AFF2: variants seen among roughly 807,000 people sequenced by gnomAD.
AFF2 encodes the protein ALF transcription elongation factor 2.
Under a neutral mutation model 76.9 loss-of-function variants are expected in AFF2, and 14 were observed. The observed-to-expected ratio is 0.18, with a 90% CI of 0.12 to 0.28. The LOEUF (loss-of-function observed/expected upper bound fraction) is 0.28, where lower values mean the gene tolerates loss of function less well. Among genes scored for constraint, AFF2 ranks in the 10% least tolerant of loss-of-function variants. The probability of loss-of-function intolerance (pLI) is 1.00; values close to 1 mark genes in which losing one functional copy is unlikely to be tolerated. For synonymous variants in AFF2, 398 were observed against 366.7 expected (o/e 1.09, Z -0.98); for missense variants, 868 against 1,001.1 (o/e 0.87, Z 1.79).
intron 8 of AFF2, among the ~76,000 whole-genome samples, chrX:148,888,410 C>G (rs1170597230): frequency 1.8e-5 from 2 of 112,088 alleles, no homozygotes; most frequent in Non-Finnish European, 3.8e-5. Context: ...TCTTTATCTA[C>G]TCATCATTTG....
At chrX:148,782,368 A>G (rs1192933254) in intron 3 of AFF2, among the ~76,000 whole-genome samples, 2 of 111,537 alleles carry the variant, frequency 1.8e-5, no homozygotes, top group African/African-American at 3.3e-5. Context: ...AACTACCCCT[A>G]TCTCTGCTCT....
intron 3 of AFF2, among the ~76,000 whole-genome samples, chrX:148,789,050 T>C (rs959916939): frequency 8.9e-6 from 1 of 112,401 alleles, no homozygotes; most frequent in Admixed American, 9.4e-5. Flanking sequence ...TTAACTGTGA[T>C]AGTGTATTTC....
chrX:148,718,755 G>A (rs1036106169), intron 3 of AFF2, among the ~76,000 whole-genome samples: 1 of 110,913 alleles, frequency 9.0e-6, no homozygotes, highest in South Asian at 3.8e-4. Context: ...CTTGAGAAAA[G>A]GGAAACCTGT....
intron 7 of AFF2, among the ~76,000 whole-genome samples, chrX:148,860,833 G>C (rs1430849571): frequency 2.7e-5 from 3 of 111,514 alleles, no homozygotes; most frequent in African/African-American, 9.8e-5. Flanking sequence ...TATCTAAGCA[G>C]TTAAGGCTTC....
At chrX:148,577,637 C>T (rs2053305573) in intron 1 of AFF2, among the ~76,000 whole-genome samples, 1 of 112,077 alleles carries the variant, frequency 8.9e-6, no homozygotes. Context: ...GTCTTTCTTA[C>T]AGAAATGTGC....
chrX:148,568,374 A>G (rs1015117685), intron 1 of AFF2, among the ~76,000 whole-genome samples: 3 of 112,211 alleles, frequency 2.7e-5, no homozygotes. Flanking sequence ...AATTAAATGT[A>G]TCTTTTAAAG....
intron 3 of AFF2, among the ~76,000 whole-genome samples, chrX:148,734,321 G>A (rs1318313594): frequency 3.6e-5 from 4 of 111,944 alleles, no homozygotes; most frequent in African/African-American, 6.5e-5. Flanking sequence ...CATATATTAT[G>A]TGCTTGGCAC....
intron 3 of AFF2, among the ~76,000 whole-genome samples, chrX:148,695,215 T>C (rs2054705188): frequency 1.8e-5 from 2 of 111,813 alleles, no homozygotes; most frequent in Non-Finnish European, 3.8e-5. Flanking sequence ...CCAATAATCT[T>C]TTGAGAGCCT....
intron 7 of AFF2, among the ~76,000 whole-genome samples, chrX:148,863,601 A>C (rs1208866734): frequency 1.8e-5 from 2 of 111,937 alleles, no homozygotes; most frequent in African/African-American, 6.5e-5. Context: ...AATACTAGTA[A>C]ACTTCTGGTG....
chrX:148,962,954 A>G lies in AFF2; in HGVS notation c.2913+17A>G, dbSNP rs1307179026. 9.3e-7 allele frequency: 1 copy of G among 1,073,338 alleles called. No individual in the cohort carries two copies. The highest frequency in any genetic ancestry group is 1.3e-6 in the Non-Finnish European group (1 of 772,073). 88.5% of individuals were successfully genotyped at this position (1,073,338 alleles called of 1,213,427 possible). On this transcript the variant is annotated intron_variant, in intron 13 of 20. Coordinates refer to ENST00000370460, the MANE Select transcript of AFF2 (RefSeq NM_002025.4). ...TCGGTAAATGTAAGCATCTTGGAAG[A>G]AATATTATTATTGTCAGGTAGAAAC... is the stretch of plus-strand genomic sequence containing the variant.
intron 8 of AFF2, among the ~76,000 whole-genome samples, chrX:148,887,944 A>G (rs191540653): frequency 8.6e-4 from 97 of 112,833 alleles, no homozygotes; most frequent in Non-Finnish European, 1.5e-3. Flanking sequence ...GGCAGCAGTA[A>G]TACTAGCAAT....
chrX:148,769,094 A>G (rs1381109915), intron 3 of AFF2, among the ~76,000 whole-genome samples: 2 of 112,202 alleles, frequency 1.8e-5, no homozygotes, highest in Non-Finnish European at 3.8e-5. Context: ...GAGCCTTGAA[A>G]CTGTGCAACC....
intron 1 of AFF2, among the ~76,000 whole-genome samples, chrX:148,527,441 C>A (rs1265327665): frequency 9.0e-6 from 1 of 111,605 alleles, no homozygotes; most frequent in Non-Finnish European, 1.9e-5. Context: ...TTCTTTCTTT[C>A]TTTTTTTCTA....
chrX:148,690,515 G>A (rs1369970748), intron 3 of AFF2, among the ~76,000 whole-genome samples: 1 of 111,834 alleles, frequency 8.9e-6, no homozygotes, highest in Admixed American at 9.5e-5. Flanking sequence ...GCCAGAGACT[G>A]AGCTGGCACC....
At chrX:148,815,606 C>T (rs1381315888) in intron 4 of AFF2, among the ~76,000 whole-genome samples, 1 of 111,229 alleles carries the variant, frequency 9.0e-6, no homozygotes, top group African/African-American at 3.3e-5. Flanking sequence ...ACCTGTCAAG[C>T]AGTTTAAATA....
intron 13 of AFF2, among the ~76,000 whole-genome samples, chrX:148,965,979 A>T (rs1291238110): frequency 1.8e-5 from 2 of 111,469 alleles, no homozygotes; most frequent in Non-Finnish European, 3.8e-5. Flanking sequence ...CAGCCACTTG[A>T]ACATGGCAGG....
intron 9 of AFF2, among the ~76,000 whole-genome samples, chrX:148,944,836 T>C (rs2071881390): frequency 9.0e-6 from 1 of 110,929 alleles, no homozygotes; most frequent in Non-Finnish European, 1.9e-5. Flanking sequence ...GGTGCCTTTT[T>C]TTCATTCCTT....
Position 148,987,574 on chromosome X carries a change from T to C in AFF2, c.3814+17T>C. ...AAAACAAAGGTATGCTCATCTGTTC[T>C]ACCCATATAGCTCACAGACCATGAT... On this transcript the variant is annotated intron_variant, in intron 20 of 20. Coordinates refer to ENST00000370460, the MANE Select transcript of AFF2 (RefSeq NM_002025.4). 1 of 1,186,668 alleles carries C rather than the reference T, an allele frequency of 8.4e-7. No homozygotes were observed. Among genetic ancestry groups the C allele is most frequent in the African/African-American group, 1.7e-5 (1 of 57,438 alleles).
chrX:148,556,361 T>C (rs1217420511), intron 1 of AFF2, among the ~76,000 whole-genome samples: 3 of 111,921 alleles, frequency 2.7e-5, no homozygotes, highest in African/African-American at 9.7e-5. Context: ...AGATTAATTA[T>C]AGCCGTGGTT....
Sources: allele counts gnomAD v4.1 joint callset (sites outside exome capture counted in the v4.1 genomes callset), GRCh38; gene constraint gnomAD v4.1.1; transcripts MANE v1.5; gene names NCBI Gene and HGNC (gene_info 2026-07-23, HGNC 2026-07-21).